The following TMEM236 variants were observed in gnomAD, a reference collection of about 807,000 sequenced individuals.
TMEM236 encodes transmembrane protein 236.
TMEM236 carries 11 observed loss-of-function variants against 14.7 expected under a neutral mutation model. The observed-to-expected ratio is 0.75, with a 90% CI of 0.47 to 1.24. TMEM236 has a LOEUF of 1.24. Among genes scored for constraint, TMEM236 ranks in the 50% most tolerant of loss-of-function variants. The pLI is 0.00. For missense variants in TMEM236, 464 were observed against 427.3 expected (o/e 1.09, Z -0.76); for synonymous variants, 182 against 168.6 (o/e 1.08, Z -0.62).
intron 2 of TMEM236, among the ~76,000 whole-genome samples, chr10:17,774,029 T>TTTTGTTTGTTTG (rs1228988280): frequency 0.012 from 1,666 of 133,598 alleles, 28 homozygotes; most frequent in East Asian, 0.093. Flanking sequence ...ATATATATAT[T>TTTTGTTTGTTTG]TTTGTTTGTT....
At position 17,759,838 on chromosome 10, in the gene TMEM236, G is replaced by A. The variant is rs904461642; in HGVS notation, c.257+7286G>A. On this transcript the variant is annotated intron_variant, in intron 1 of 3. Transcript: ENST00000377495. Reference sequence around the variant, plus strand: ...TACTAAAAATACAGAAAAATGAGCCGGGCGTGGTGGTGGACGCCTGTATAG... The same window carrying A: ...TACTAAAAATACAGAAAAATGAGCCAGGCGTGGTGGTGGACGCCTGTATAG... Among the ~76,000 whole-genome samples the A allele has an allele frequency of 3.3e-3, 497 of 152,022 alleles. 2 individuals are homozygous for A. The highest frequency in any genetic ancestry group is 0.012 in the African/African-American group (477 of 41,452).
At chr10:17,763,881 G>T (rs1313617087) in intron 1 of TMEM236, among the ~76,000 whole-genome samples, 2 of 152,192 alleles carry the variant, frequency 1.3e-5, no homozygotes, top group East Asian at 3.9e-4. Flanking sequence ...AGGATCTTGG[G>T]CAAATTAATT....
chr10:17,752,603 G>C, intron 1 of TMEM236, 51 bp downstream of exon 1: 1 of 1,584,154 alleles, frequency 6.3e-7, no homozygotes, highest in Non-Finnish European at 8.7e-7. Context: ...GTCTCGCTCT[G>C]TCACCCAGGC....
chr10:17,776,004 C>T (rs1188216471), intron 2 of TMEM236, 25 bp from the exon 3 acceptor site: 4 of 1,613,562 alleles, frequency 2.5e-6, no homozygotes, highest in East Asian at 2.2e-5. Context: ...TAATTTAATG[C>T]TTGTAAATGG....
chr10:17,779,162 A>G (rs974556711), intron 3 of TMEM236, among the ~76,000 whole-genome samples: 3 of 152,142 alleles, frequency 2.0e-5, no homozygotes, highest in African/African-American at 7.2e-5. Flanking sequence ...TGCTAACTGA[A>G]TCCCATGTAT....
Position 17,752,347 on chromosome 10 carries a change from G to T in TMEM236, c.52G>T (p.Ala18Ser). ...CGTGGTTTTTGAGCTCCTAGAGTTT[G>T]CCGCTTTCTCCATCCCCACACTCGT... ...KFVVFELLEFAAFSIPTLVIT... is the reference protein window; with the variant it reads ...KFVVFELLEFSAFSIPTLVIT... Residue 18 changes from alanine (A) to serine (S), a missense_variant, in exon 1 of 4, where the codon GCC becomes TCC. Physicochemically the swap from Ala to Ser is moderately conservative, Grantham distance 99. Transcript: ENST00000377495. 5 of 1,613,800 alleles carry T rather than the reference G, an allele frequency of 3.1e-6. No homozygotes were observed. The highest frequency in any genetic ancestry group is 3.4e-6 in the Non-Finnish European group (4 of 1,179,840).
intron 3 of TMEM236, among the ~76,000 whole-genome samples, chr10:17,787,894 AAGC>A (rs1238849805): frequency 6.6e-6 from 1 of 152,188 alleles, no homozygotes; most frequent in Non-Finnish European, 1.5e-5. Context: ...GTCTGTATCC[AAGC>A]ACTTAAAACT....
intron 3 of TMEM236, among the ~76,000 whole-genome samples, chr10:17,782,403 T>C (rs1837766727): frequency 6.6e-6 from 1 of 152,166 alleles, no homozygotes; most frequent in African/African-American, 2.4e-5. Context: ...AACTCTTCTT[T>C]TTTTCTTAAT....
At chr10:17,788,192 T>C (rs963674745) in intron 3 of TMEM236, among the ~76,000 whole-genome samples, 290 of 150,578 alleles carry the variant, frequency 1.9e-3, no homozygotes, top group African/African-American at 6.8e-3. Context: ...GAAATATATA[T>C]CATTATAAGT....
chr10:17,753,647 A>G (rs1308915178), intron 1 of TMEM236, among the ~76,000 whole-genome samples: 1 of 152,184 alleles, frequency 6.6e-6, no homozygotes, highest in Non-Finnish European at 1.5e-5. Context: ...CCATTCTATC[A>G]CTGATGGGCA....
intron 3 of TMEM236, among the ~76,000 whole-genome samples, chr10:17,784,652 A>T (rs1182142957): frequency 6.6e-6 from 1 of 152,220 alleles, no homozygotes; most frequent in Non-Finnish European, 1.5e-5. Context: ...ACTAATTTTT[A>T]AAATTAGTGA....
chr10:17,777,709 A>G lies in TMEM236; in HGVS notation c.472+1539A>G, dbSNP rs540450780. Among the ~76,000 whole-genome samples, 12 of 152,262 alleles carry G rather than the reference A, an allele frequency of 7.9e-5. 1 individual carries two copies. In the South Asian group the frequency reaches 2.3e-3, roughly 29 times the overall value. ...ACGTGTATCTTTTTGGGAATAAGTT[A>G]ATAACATTTTATTTTTGTTAGTGAT... On this transcript the variant is annotated intron_variant, in intron 3 of 3. Transcript: ENST00000377495.
rs1838052443 is a variant in TMEM236 at position 17,798,649 on chromosome 10, AAAG to A, written c.*2150_*2152del. The A allele has an allele frequency of 3.0e-5, 16 of 534,482 alleles. 2 individuals are homozygous for A. Among genetic ancestry groups the A allele is most frequent in the South Asian group, 2.1e-4 (15 of 71,582 alleles). 33.1% of individuals were successfully genotyped at this position (534,482 alleles called of 1,614,324 possible). ...GTTTTAGGATTTTTCTCACACTGTA[AAAG>A]AAGATTTACTCACAGTTGTTAAAAG... On this transcript the variant is annotated 3_prime_UTR_variant, in exon 4 of 4. Coordinates refer to ENST00000377495, the MANE Select transcript of TMEM236 (RefSeq NM_001098844.3).
chr10:17,788,463 C>G (rs1421792455), intron 3 of TMEM236, among the ~76,000 whole-genome samples: 1 of 151,580 alleles, frequency 6.6e-6, no homozygotes, highest in Admixed American at 6.6e-5. Flanking sequence ...TCTAAACCAT[C>G]CAGTGGGCTG....
At position 17,797,257 on chromosome 10, in the gene TMEM236, A is replaced by G. The variant is rs2130542570; in HGVS notation, c.*753A>G. 6.6e-6 allele frequency: 1 copy of G among 152,268 alleles called. No individual in the cohort carries two copies. Among genetic ancestry groups the G allele is most frequent in the South Asian group, 2.1e-4 (1 of 4,830 alleles). The allele number at this position is 152,268 out of a possible 1,614,324, so 9.4% of individuals were successfully genotyped here. On this transcript the variant is annotated 3_prime_UTR_variant, in exon 4 of 4. Transcript: ENST00000377495. Reference sequence around the variant, plus strand: ...TGATTGATTAAATTTAGTTTTAAAAAACACACTTGAAATTATTGAATAATT... The same window carrying G: ...TGATTGATTAAATTTAGTTTTAAAAGACACACTTGAAATTATTGAATAATT...
intron 3 of TMEM236, among the ~76,000 whole-genome samples, chr10:17,777,312 G>A (rs561282171): frequency 7.9e-5 from 12 of 152,234 alleles, no homozygotes; most frequent in Non-Finnish European, 8.8e-5. Context: ...GATGGCAGCC[G>A]GGGCCATCTG....
Position 17,796,549 on chromosome 10 carries a change from CA to C in TMEM236, c.*46del. On this transcript the variant is annotated 3_prime_UTR_variant, in exon 4 of 4. Transcript: ENST00000377495. ...AAGGCCTCTTTGTGATACCTGTGTGCACATTTGTAATCCTTCTTTTTTTCTT... is the reference window on the plus strand; with the variant it reads ...AAGGCCTCTTTGTGATACCTGTGTGCCATTTGTAATCCTTCTTTTTTTCTT... 6.7e-7 allele frequency: 1 copy of C among 1,483,490 alleles called. No individual in the cohort carries two copies. The highest frequency in any genetic ancestry group is 1.1e-5 in the South Asian group (1 of 88,176). The allele number at this position is 1,483,490 out of a possible 1,614,324, so 91.9% of individuals were successfully genotyped here. A position where few individuals can be genotyped will look rare whatever the true frequency, so the allele number is the denominator to read the frequency against.
intron 3 of TMEM236, among the ~76,000 whole-genome samples, chr10:17,794,560 C>G (rs1302369109): frequency 6.6e-6 from 1 of 152,038 alleles, no homozygotes; most frequent in Non-Finnish European, 1.5e-5. Flanking sequence ...CGCACACACA[C>G]ACACAATGGT....
intron 3 of TMEM236, among the ~76,000 whole-genome samples, chr10:17,787,330 G>A (rs1010966024): frequency 0.094 from 14,249 of 152,146 alleles, 697 homozygotes; most frequent in Non-Finnish European, 0.1. Flanking sequence ...TAGTGTTGCC[G>A]GTCCCCAGCC....
Sources: allele counts gnomAD v4.1 joint callset (sites outside exome capture counted in the v4.1 genomes callset), GRCh38; gene constraint gnomAD v4.1.1; transcripts MANE v1.5; gene names NCBI Gene and HGNC (gene_info 2026-07-23, HGNC 2026-07-21).